RHOT1: variants seen among roughly 807,000 people sequenced by gnomAD.
RHOT1 encodes ras homolog family member T1, also known as mitochondrial Rho GTPase 1.
RHOT1 carries 27 observed loss-of-function variants against 95.3 expected under a neutral mutation model. The ratio of observed to expected loss-of-function variants is 0.28; its 90% CI spans 0.21 to 0.39. The LOEUF (loss-of-function observed/expected upper bound fraction) is 0.39, where lower values mean the gene tolerates loss of function less well. RHOT1 is among the 10% of genes least tolerant of loss of function. The probability of loss-of-function intolerance (pLI) is 1.00; values close to 1 mark genes in which losing one functional copy is unlikely to be tolerated. For synonymous variants in RHOT1, 227 were observed against 263.5 expected (o/e 0.86, Z 1.34); for missense variants, 578 against 786.7 (o/e 0.73, Z 3.17).
intron 6 of RHOT1, among the ~76,000 whole-genome samples, chr17:32,178,037 C>G (rs1263342244): frequency 6.6e-6 from 1 of 151,812 alleles, no homozygotes; most frequent in Non-Finnish European, 1.5e-5. Context: ...GTTGGCTAGG[C>G]TGGTCTTAAA....
At chr17:32,211,287 A>G in intron 19 of RHOT1, 49 bp downstream of exon 19, 1 of 1,515,090 alleles carries the variant, frequency 6.6e-7, no homozygotes, top group Non-Finnish European at 9.0e-7. Context: ...AAAATACAAA[A>G]GAAAAAAGCG....
intron 6 of RHOT1, among the ~76,000 whole-genome samples, chr17:32,178,540 C>T (rs2035230587): frequency 6.6e-6 from 1 of 152,126 alleles, no homozygotes; most frequent in Admixed American, 6.5e-5. Context: ...CGGCTCGCTA[C>T]AACCTTCACC....
rs552238016 is a variant in RHOT1 at position 32,178,961 on chromosome 17, C to T, written c.329+2748C>T. Reference sequence around the variant, plus strand: ...GAGCGCCTCTGCCCGGCCGCCACCCCGTCTGGGAAGTGAGGAGCGCCTCTG... The same window carrying T: ...GAGCGCCTCTGCCCGGCCGCCACCCTGTCTGGGAAGTGAGGAGCGCCTCTG... On this transcript the variant is annotated intron_variant, in intron 6 of 19. Coordinates refer to ENST00000545287, the MANE Select transcript of RHOT1 (RefSeq NM_001033566.3). The T allele has an allele frequency of 4.5e-3, 673 of 150,858 alleles. 1 individual carries two copies. Among genetic ancestry groups the T allele is most frequent in the African/African-American group, 0.015 (602 of 38,918 alleles). 9.3% of individuals were successfully genotyped at this position (150,858 alleles called of 1,614,324 possible).
chr17:32,214,894 CTTTTTTTTT>C (rs551151153), intron 19 of RHOT1, among the ~76,000 whole-genome samples: 4 of 52,818 alleles, frequency 7.6e-5, no homozygotes, highest in African/African-American at 2.4e-4. Flanking sequence ...AAAGGCTTGT[CTTTTTTTTT>C]TTTTTTTTTT....
intron 8 of RHOT1, among the ~76,000 whole-genome samples, chr17:32,189,125 C>T (rs1480789461): frequency 6.6e-6 from 1 of 152,032 alleles, no homozygotes; most frequent in Non-Finnish European, 1.5e-5. Context: ...GGTGAAACCC[C>T]GTCTCTACTA....
chr17:32,196,686 T>G (rs73268509), intron 11 of RHOT1, among the ~76,000 whole-genome samples: 5,765 of 152,254 alleles, frequency 0.038, 365 homozygotes, highest in African/African-American at 0.13. Flanking sequence ...TTAATGCCTC[T>G]CATCCTTCAA....
chr17:32,182,955 T>C, intron 7 of RHOT1, 90 bp downstream of exon 7: 1 of 881,726 alleles, frequency 1.1e-6, no homozygotes, highest in Non-Finnish European at 1.8e-6. Flanking sequence ...TGGGATGGAA[T>C]AAATTTCCTG....
chr17:32,192,069 A>G, intron 8 of RHOT1, 132 bp from the exon 9 acceptor site: 1 of 580,292 alleles, frequency 1.7e-6, no homozygotes, highest in Non-Finnish European at 3.0e-6. Context: ...ATATAAAGTA[A>G]ATGGCTTTGC....
chr17:32,175,461 G>GTT, intron 4 of RHOT1, 99 bp downstream of exon 4: 1 of 1,219,150 alleles, frequency 8.2e-7, no homozygotes, highest in East Asian at 2.4e-5. Flanking sequence ...TGGTTTTTGT[G>GTT]TTTTTTTTGG....
chr17:32,154,674 C>T (rs1015681322), intron 1 of RHOT1, among the ~76,000 whole-genome samples: 5 of 150,930 alleles, frequency 3.3e-5, no homozygotes, highest in Admixed American at 6.6e-5. Flanking sequence ...GGGTGGATCA[C>T]TTGAGGTCAG....
intron 1 of RHOT1, among the ~76,000 whole-genome samples, chr17:32,152,065 T>G (rs1336975329): frequency 6.6e-6 from 1 of 152,206 alleles, no homozygotes; most frequent in Non-Finnish European, 1.5e-5. Flanking sequence ...TATGAATAAA[T>G]TTTTTAAAAT....
chr17:32,182,056 T>C (rs1362186716), intron 6 of RHOT1, among the ~76,000 whole-genome samples: 1 of 152,192 alleles, frequency 6.6e-6, no homozygotes, highest in Non-Finnish European at 1.5e-5. Context: ...AATGTCACCT[T>C]TACATAGGGA....
intron 3 of RHOT1, among the ~76,000 whole-genome samples, 200 bp downstream of exon 3, chr17:32,174,112 G>A (rs971361339): frequency 1.2e-4 from 18 of 151,972 alleles, no homozygotes; most frequent in African/African-American, 3.4e-4. Flanking sequence ...ACAGTTCTTC[G>A]TCCCCAGATT....
chr17:32,219,518 T>C (rs944756229), intron 19 of RHOT1, among the ~76,000 whole-genome samples: 17 of 152,232 alleles, frequency 1.1e-4, no homozygotes, highest in African/African-American at 3.6e-4. Context: ...CAAAGGTACA[T>C]AGGAATTTTG....
chr17:32,201,163 C>T, intron 14 of RHOT1, 107 bp downstream of exon 14: 1 of 606,998 alleles, frequency 1.6e-6, no homozygotes, highest in Non-Finnish European at 2.8e-6. Flanking sequence ...AGTCTTCCAT[C>T]TACACTCTAT....
chr17:32,221,379 A>G (rs1360727178), intron 19 of RHOT1, among the ~76,000 whole-genome samples: 1 of 152,010 alleles, frequency 6.6e-6, no homozygotes, highest in East Asian at 1.9e-4. Flanking sequence ...TCAAAAAAAA[A>G]AAAAAAAAGA....
At chr17:32,155,607 A>T (rs1185605442) in intron 1 of RHOT1, among the ~76,000 whole-genome samples, 1 of 151,322 alleles carries the variant, frequency 6.6e-6, no homozygotes, top group Non-Finnish European at 1.5e-5. Flanking sequence ...CAGTGGCTCA[A>T]TCATGGCTCA....
chr17:32,224,550 A>G, intron 19 of RHOT1, 66 bp from the exon 20 acceptor site: 2 of 1,124,284 alleles, frequency 1.8e-6, no homozygotes, highest in South Asian at 1.4e-5. Context: ...GTAGACTGCT[A>G]AATAACTGGT....
chr17:32,205,229 C>T (rs1010393777), intron 16 of RHOT1, among the ~76,000 whole-genome samples: 4 of 151,850 alleles, frequency 2.6e-5, no homozygotes, highest in African/African-American at 9.7e-5. Flanking sequence ...CATGTGTTCT[C>T]ATTGTTCAAC....
Sources: gnomAD v4.1 joint callset for allele counts (sites outside exome capture counted in the v4.1 genomes callset) on GRCh38, gnomAD v4.1.1 for gene constraint, MANE v1.5 for transcripts, NCBI Gene and HGNC (gene_info 2026-07-23, HGNC 2026-07-21) for gene names.